RCOR1: variants seen among roughly 807,000 people sequenced by gnomAD.
The protein encoded by RCOR1 is REST corepressor 1, also known as REST corepressor.
RCOR1 carries 12 observed loss-of-function variants against 64.0 expected under a neutral mutation model. That is an observed-to-expected ratio of 0.19 (90% CI 0.12 to 0.30). The LOEUF (loss-of-function observed/expected upper bound fraction) is 0.30. Among genes scored for constraint, RCOR1 ranks in the 10% least tolerant of loss-of-function variants. The pLI is 1.00. For synonymous variants in RCOR1, 279 were observed against 227.2 expected, an observed-to-expected ratio of 1.23 and a Z score of -2.05; for missense variants, 502 against 621.2, an observed-to-expected ratio of 0.81 and a Z score of 2.04.
intron 2 of RCOR1, among the ~76,000 whole-genome samples, chr14:102,650,359 C>G (rs1458365378): frequency 8.8e-6 from 1 of 113,100 alleles, no homozygotes; most frequent in African/African-American, 3.6e-5. Context: ...GAGCACAGAG[C>G]AAGATCCTGC....
chr14:102,725,822 C>T (rs539011550), intron 11 of RCOR1, among the ~76,000 whole-genome samples: 2 of 152,264 alleles, frequency 1.3e-5, no homozygotes, highest in African/African-American at 4.8e-5. Flanking sequence ...CCACCTGCCT[C>T]AGCCTCCCAA....
At chr14:102,645,537 T>A (rs1004138237) in intron 2 of RCOR1, among the ~76,000 whole-genome samples, 4 of 152,210 alleles carry the variant, frequency 2.6e-5, no homozygotes, top group East Asian at 1.9e-4. Context: ...GATAGTTTCC[T>A]TGTTGAGGCC....
chr14:102,652,769 A>T (rs1184428753), intron 2 of RCOR1, among the ~76,000 whole-genome samples: 1 of 152,210 alleles, frequency 6.6e-6, no homozygotes, highest in African/African-American at 2.4e-5. Context: ...CTTAACAAAA[A>T]TATTACTGTT....
intron 2 of RCOR1, among the ~76,000 whole-genome samples, chr14:102,653,412 G>A (rs1894633097): frequency 6.6e-6 from 1 of 152,046 alleles, no homozygotes; most frequent in Non-Finnish European, 1.5e-5. Context: ...TAGAGACAGG[G>A]TTTTGCCACG....
chr14:102,677,756 A>G (rs1445016999), intron 2 of RCOR1, among the ~76,000 whole-genome samples: 48 of 130,878 alleles, frequency 3.7e-4, no homozygotes, highest in East Asian at 1.3e-3. Context: ...ATCCCAGACG[A>G]TGGGGGGCCA....
intron 2 of RCOR1, among the ~76,000 whole-genome samples, chr14:102,629,206 C>T (rs1275230098): frequency 6.6e-6 from 1 of 152,160 alleles, no homozygotes; most frequent in Non-Finnish European, 1.5e-5. Flanking sequence ...TTATTCTTGC[C>T]ACGTGTACTG....
intron 2 of RCOR1, among the ~76,000 whole-genome samples, chr14:102,640,702 C>T (rs1388238652): frequency 6.6e-5 from 10 of 152,214 alleles, no homozygotes; most frequent in African/African-American, 1.7e-4. Flanking sequence ...AGGCTGGACA[C>T]GTTGGCTCAC....
rs140022490 is a variant in RCOR1, at chr14:102,652,727, CA to C, written c.362-29166del. 2.9e-3 allele frequency among the ~76,000 whole-genome samples: 448 copies of C among 152,184 alleles called. 3 individuals carry two copies. The highest frequency in any genetic ancestry group is 0.01 in the African/African-American group (421 of 41,526). On this transcript the variant is annotated intron_variant, in intron 2 of 11. Coordinates refer to ENST00000262241, the MANE Select transcript of RCOR1 (RefSeq NM_015156.4). ...CTGACTTTTTCCCATAGATACGTAA[CA>C]ACCACCTGCTTTAACATTTTCTATC...
intron 2 of RCOR1, among the ~76,000 whole-genome samples, chr14:102,633,893 A>T (rs541880184): frequency 2.7e-4 from 41 of 152,282 alleles, no homozygotes; most frequent in African/African-American, 9.6e-4. Context: ...TATAAAAGAA[A>T]ATTCTAAAAT....
At chr14:102,655,379 T>A in intron 2 of RCOR1, 1 of 985,364 alleles carries the variant, frequency 1.0e-6, no homozygotes, top group Non-Finnish European at 1.2e-6. Flanking sequence ...TGGGCATTTT[T>A]CCCTTTGTGA....
intron 10 of RCOR1, among the ~76,000 whole-genome samples, chr14:102,721,917 A>G (rs1277457950): frequency 6.6e-6 from 1 of 152,204 alleles, no homozygotes; most frequent in Non-Finnish European, 1.5e-5. Context: ...TGAATGCAGA[A>G]TGTCCCCAAC....
At position 102,700,050 on chromosome 14, in the gene RCOR1, A is replaced by C. The variant is rs116484360; in HGVS notation, c.446-1228A>C. On this transcript the variant is annotated intron_variant, in intron 3 of 11. Transcript: ENST00000262241. ...TACCAAGCACTGGGTCACGTAATCT[A>C]TCTCTTAAGAATTTTTTAAAACATA... Among the ~76,000 whole-genome samples, 245 of 152,284 alleles carry C rather than the reference A, an allele frequency of 1.6e-3. 1 individual carries two copies. Among genetic ancestry groups the C allele is most frequent in the African/African-American group, 5.5e-3 (228 of 41,556 alleles).
chr14:102,618,161 A>G (rs776152568), intron 2 of RCOR1, among the ~76,000 whole-genome samples: 54 of 150,952 alleles, frequency 3.6e-4, no homozygotes, highest in South Asian at 1.0e-3. Flanking sequence ...TTTAGTAGAG[A>G]TGGGGTCTCA....
At chr14:102,619,167 G>T (rs1448580521) in intron 2 of RCOR1, among the ~76,000 whole-genome samples, 1 of 152,048 alleles carries the variant, frequency 6.6e-6, no homozygotes, top group Admixed American at 6.5e-5. Context: ...TGTTGCCCAG[G>T]CTGGAGTGCA....
chr14:102,716,323 A>G (rs573066040), intron 8 of RCOR1, among the ~76,000 whole-genome samples: 1 of 152,160 alleles, frequency 6.6e-6, no homozygotes, highest in African/African-American at 2.4e-5. Context: ...TGCTGTAAAT[A>G]TGTTTTGCAT....
At chr14:102,640,757 T>G (rs935149923) in intron 2 of RCOR1, among the ~76,000 whole-genome samples, 8 of 151,762 alleles carry the variant, frequency 5.3e-5, no homozygotes, top group African/African-American at 1.9e-4. Context: ...GGAGGGACAC[T>G]TGAGCCCAGC....
intron 3 of RCOR1, among the ~76,000 whole-genome samples, chr14:102,686,734 C>T (rs1206734693): frequency 6.6e-6 from 1 of 152,208 alleles, no homozygotes; most frequent in Non-Finnish European, 1.5e-5. Flanking sequence ...TAAGGTTCCA[C>T]TGTCTCTTTT....
rs1489734425 is a variant in RCOR1 at position 102,726,874 on chromosome 14, CTG to C, written c.*370_*371del. The C allele has an allele frequency of 1.9e-5, 5 of 256,874 alleles. No homozygotes were observed. Among genetic ancestry groups the C allele is most frequent in the Admixed American group, 5.5e-5 (1 of 18,152 alleles). 15.9% of individuals were successfully genotyped at this position (256,874 alleles called of 1,614,324 possible). A position where few individuals can be genotyped will look rare whatever the true frequency, so the allele number is the denominator to read the frequency against. Reference sequence around the variant, plus strand: ...GGCAGTCTCCTTGGAAGGCCCGACTCTGTTCCTGCATGGCCTGCAGTTTCTAC... The same window carrying C: ...GGCAGTCTCCTTGGAAGGCCCGACTCTTCCTGCATGGCCTGCAGTTTCTAC... On this transcript the variant is annotated 3_prime_UTR_variant, in exon 12 of 12. Coordinates refer to ENST00000262241, the MANE Select transcript of RCOR1 (RefSeq NM_015156.4).
chr14:102,666,982 A>T (rs1333968224), intron 2 of RCOR1, among the ~76,000 whole-genome samples: 1 of 152,096 alleles, frequency 6.6e-6, no homozygotes, highest in African/African-American at 2.4e-5. Flanking sequence ...ACTGAAGGGG[A>T]AGGGAGTTAT....
Sources: gnomAD v4.1 joint callset for allele counts (sites outside exome capture counted in the v4.1 genomes callset) on GRCh38, gnomAD v4.1.1 for gene constraint, MANE v1.5 for transcripts, NCBI Gene and HGNC (gene_info 2026-07-23, HGNC 2026-07-21) for gene names.